NELL2: variants seen among roughly 807,000 people sequenced by gnomAD.
NELL2 encodes neural EGFL like 2, also known as protein kinase C-binding protein NELL2.
In NELL2, 41 loss-of-function variants were observed where a neutral mutation model predicts 109.6. That is an observed-to-expected ratio of 0.37 (90% confidence interval 0.29 to 0.49). The LOEUF is 0.49. Ranked by LOEUF, NELL2 falls within the 20% of genes least tolerant of loss-of-function variation. The probability of loss-of-function intolerance (pLI) is 0.98; values close to 1 mark genes in which losing one functional copy is unlikely to be tolerated. For missense variants in NELL2, 900 were observed against 1,008.3 expected, an observed-to-expected ratio of 0.89 and a Z score of 1.45; for synonymous variants, 355 against 344.7, an observed-to-expected ratio of 1.03 and a Z score of -0.33.
intron 13 of NELL2, among the ~76,000 whole-genome samples, chr12:44,623,215 T>C (rs540133702): frequency 6.6e-6 from 1 of 152,236 alleles, no homozygotes; most frequent in East Asian, 1.9e-4. Flanking sequence ...ACTGTATTTC[T>C]TTATGTGTGC....
intron 12 of NELL2, among the ~76,000 whole-genome samples, chr12:44,690,907 C>A (rs753259933): frequency 2.6e-5 from 4 of 152,150 alleles, no homozygotes; most frequent in Non-Finnish European, 5.9e-5. Flanking sequence ...GTTCCTAGTG[C>A]TATTTAACAT....
chr12:44,791,640 T>TAA (rs112766103), intron 3 of NELL2, among the ~76,000 whole-genome samples: 4 of 150,488 alleles, frequency 2.7e-5, no homozygotes, highest in South Asian at 2.1e-4. Context: ...AAAACAAAAC[T>TAA]AAAAAAAAAT....
At chr12:44,537,433 T>A in intron 15 of NELL2, among the ~76,000 whole-genome samples, 1 of 152,116 alleles carries the variant, frequency 6.6e-6, no homozygotes. Flanking sequence ...TTATATTGGA[T>A]AAAAAAGGAA....
In NELL2 at chr12:44,876,105, C is replaced by G; in HGVS notation, c.-236G>C. The G allele has an allele frequency of 7.5e-7, 1 of 1,326,510 alleles. No homozygotes were observed. Among genetic ancestry groups the G allele is most frequent in the South Asian group, 2.0e-5 (1 of 50,090 alleles). 82.2% of individuals were successfully genotyped at this position (1,326,510 alleles called of 1,614,324 possible). ...ATCATTCCCACACGCAGGGCCGAGG[C>G]GGCAGCGCGGCCCGGAGGGGGCCCG... On this transcript the variant is annotated 5_prime_UTR_variant, in exon 1 of 20. Coordinates refer to ENST00000429094, the MANE Select transcript of NELL2 (RefSeq NM_001145108.2).
intron 13 of NELL2, among the ~76,000 whole-genome samples, chr12:44,648,900 T>TTGTGTGTGTGTGTGTG (rs563769057): frequency 0.024 from 2,618 of 107,108 alleles, 86 homozygotes; most frequent in East Asian, 0.066. Context: ...CACGCCCAGC[T>TTGTGTGTGTGTGTGTG]TGTGTGTGTG....
chr12:44,793,255 A>C (rs536686959), intron 3 of NELL2, among the ~76,000 whole-genome samples: 1 of 152,346 alleles, frequency 6.6e-6, no homozygotes, highest in South Asian at 2.1e-4. Flanking sequence ...AAGAATGAAT[A>C]AAATACCAAC....
intron 15 of NELL2, among the ~76,000 whole-genome samples, chr12:44,576,577 T>G (rs1944094298): frequency 6.6e-6 from 1 of 152,088 alleles, no homozygotes; most frequent in Non-Finnish European, 1.5e-5. Flanking sequence ...ACTTTAAGTT[T>G]TAGGGTACAT....
intron 13 of NELL2, among the ~76,000 whole-genome samples, chr12:44,626,609 C>T (rs748356675): frequency 6.6e-6 from 1 of 152,150 alleles, no homozygotes; most frequent in South Asian, 2.1e-4. Flanking sequence ...TTCACTGACA[C>T]ATCTCCAGCA....
chr12:44,561,760 A>ATT (rs1362547767), intron 15 of NELL2, among the ~76,000 whole-genome samples: 1 of 152,236 alleles, frequency 6.6e-6, no homozygotes, highest in African/African-American at 2.4e-5. Flanking sequence ...TAATTTATAG[A>ATT]TTCAATGCTG....
chr12:44,777,357 T>C, intron 5 of NELL2, 43 bp from the exon 6 acceptor site: 1 of 1,490,604 alleles, frequency 6.7e-7, no homozygotes, highest in Non-Finnish European at 9.4e-7. Context: ...TACTTTCATT[T>C]ACCCAAATTA....
At chr12:44,693,621 T>C (rs189665842) in intron 12 of NELL2, among the ~76,000 whole-genome samples, 1 of 152,312 alleles carries the variant, frequency 6.6e-6, no homozygotes, top group East Asian at 1.9e-4. Flanking sequence ...AATGTCCTTT[T>C]CTCTTATTTG....
intron 12 of NELL2, among the ~76,000 whole-genome samples, chr12:44,692,921 A>G (rs1948943719): frequency 6.6e-6 from 1 of 152,194 alleles, no homozygotes; most frequent in East Asian, 1.9e-4. Context: ...AGATGCTATG[A>G]GCATTGTTGA....
intron 13 of NELL2, among the ~76,000 whole-genome samples, chr12:44,663,181 G>T (rs1947809234): frequency 6.6e-6 from 1 of 151,908 alleles, no homozygotes. Flanking sequence ...CCAATCCCAG[G>T]ACATAAAATG....
chr12:44,616,099 T>C (rs759984623), intron 13 of NELL2, among the ~76,000 whole-genome samples: 18 of 152,128 alleles, frequency 1.2e-4, no homozygotes, highest in Non-Finnish European at 1.9e-4. Context: ...TTGTGCTGGA[T>C]AATTATGCTT....
chr12:44,714,350 C>T (rs1000047433), intron 10 of NELL2, among the ~76,000 whole-genome samples: 1 of 151,896 alleles, frequency 6.6e-6, no homozygotes, highest in African/African-American at 2.4e-5. Flanking sequence ...CTAACTTCAC[C>T]TACATTTTCC....
At chr12:44,745,765 C>G (rs372661845) in intron 9 of NELL2, among the ~76,000 whole-genome samples, 36 of 152,134 alleles carry the variant, frequency 2.4e-4, no homozygotes, top group African/African-American at 7.0e-4. Flanking sequence ...TCTTCAAGGA[C>G]AACTACAAAC....
intron 15 of NELL2, among the ~76,000 whole-genome samples, chr12:44,539,482 C>T (rs983237494): frequency 2.0e-5 from 3 of 152,026 alleles, no homozygotes; most frequent in African/African-American, 7.2e-5. Context: ...TCCTATTTCT[C>T]TAATATTTTA....
chr12:44,727,984 T>C (rs868627602), intron 9 of NELL2, among the ~76,000 whole-genome samples: 2 of 152,044 alleles, frequency 1.3e-5, no homozygotes, highest in South Asian at 2.1e-4. Flanking sequence ...GCCACATTTA[T>C]TGAGAAGAAT....
intron 2 of NELL2, among the ~76,000 whole-genome samples, chr12:44,830,940 T>C (rs1479333614): frequency 6.6e-6 from 1 of 151,974 alleles, no homozygotes; most frequent in Non-Finnish European, 1.5e-5. Context: ...GCTTTAAAAG[T>C]GTCAGAATTC....
Sources: allele counts gnomAD v4.1 joint callset (sites outside exome capture counted in the v4.1 genomes callset), GRCh38; gene constraint gnomAD v4.1.1; transcripts MANE v1.5; gene names NCBI Gene and HGNC (gene_info 2026-07-23, HGNC 2026-07-21).